Variants in TRIM27 observed in about 807,000 individuals in gnomAD.
TRIM27 encodes tripartite motif containing 27.
Under a neutral mutation model 57.6 loss-of-function variants are expected in TRIM27, and 12 were observed. That is an observed-to-expected ratio of 0.21 (90% CI 0.13 to 0.34). TRIM27 has a LOEUF of 0.34. Among genes scored for constraint, TRIM27 ranks in the 10% least tolerant of loss-of-function variants. TRIM27 has a pLI of 1.00. For synonymous variants in TRIM27, 266 were observed against 259.0 expected (o/e 1.03, Z -0.26); for missense variants, 403 against 656.8 (o/e 0.61, Z 4.22).
chr6:28,909,751 A>C (rs1275755251), intron 4 of TRIM27, among the ~76,000 whole-genome samples: 1 of 152,204 alleles, frequency 6.6e-6, no homozygotes, highest in Admixed American at 6.5e-5. Context: ...GGAAAGAATG[A>C]CATGTTCAGA....
intron 7 of TRIM27, chr6:28,905,454 G>A (rs1346782224): frequency 6.6e-6 from 1 of 151,866 alleles, no homozygotes; most frequent in African/African-American, 2.4e-5. Flanking sequence ...TAATGAAAAA[G>A]GTTTTGGCTT....
intron 4 of TRIM27, among the ~76,000 whole-genome samples, chr6:28,910,241 T>C (rs747001748): frequency 6.6e-6 from 1 of 151,758 alleles, no homozygotes; most frequent in Non-Finnish European, 1.5e-5. Context: ...ACCTTAGGGA[T>C]GGTAGAACAG....
chr6:28,913,005 C>T (rs149321186), intron 3 of TRIM27, among the ~76,000 whole-genome samples: 235 of 152,220 alleles, frequency 1.5e-3, no homozygotes, highest in African/African-American at 5.0e-3. Flanking sequence ...CCTGTAATCC[C>T]AGCACTTTGG....
chr6:28,922,090 T>C, intron 1 of TRIM27, 103 bp from the exon 2 acceptor site: 1 of 874,266 alleles, frequency 1.1e-6, no homozygotes, highest in Admixed American at 1.9e-5. Flanking sequence ...ATGCCAAGTC[T>C]CCAGTTGGCG....
rs569440149 is a variant in TRIM27, at chr6:28,923,498, G to A, written c.135C>T (p.Gly45=). ...GGCACGACACGTTAGTCTCTGCCGTGCCCCAGCAGCGGGCGAGGCACGCGC... is the reference window on the plus strand; with the variant it reads ...GGCACGACACGTTAGTCTCTGCCGTACCCCAGCAGCGGGCGAGGCACGCGC... ...ICCACLARCW[G]TAETNVSCPQ... Residue 45 remains glycine (G), a synonymous_variant, in exon 1 of 8, where the codon GGC becomes GGT. Transcript: ENST00000377199. The A allele has an allele frequency of 1.5e-5, 24 of 1,612,098 alleles. No homozygotes were observed. Among genetic ancestry groups the A allele is most frequent in the African/African-American group, 1.5e-4 (11 of 75,034 alleles).
At chr6:28,920,301 A>G in intron 2 of TRIM27, 59 bp from the exon 3 acceptor site, 1 of 1,435,414 alleles carries the variant, frequency 7.0e-7, no homozygotes, top group Non-Finnish European at 9.5e-7. Flanking sequence ...TAGGGCCTTC[A>G]TAGTTCTCCT....
chr6:28,906,666 G>A (rs1241911102), intron 7 of TRIM27: 2 of 152,384 alleles, frequency 1.3e-5, no homozygotes, highest in African/African-American at 2.4e-5. Context: ...TCATTTAGAG[G>A]ATAATTCATA....
intron 7 of TRIM27, chr6:28,906,968 G>C (rs142901451): frequency 3.9e-4 from 178 of 458,276 alleles, no homozygotes; most frequent in Admixed American, 1.3e-3. Context: ...TTCTACTTTT[G>C]GGGAACTGCG....
intron 2 of TRIM27, among the ~76,000 whole-genome samples, chr6:28,920,817 G>C (rs1374268192): frequency 6.6e-6 from 1 of 152,104 alleles, no homozygotes; most frequent in Non-Finnish European, 1.5e-5. Context: ...ACAGGAAAGT[G>C]ACAGGGTCAG....
At chr6:28,915,896 AT>A (rs1773558072) in intron 3 of TRIM27, among the ~76,000 whole-genome samples, 1 of 152,164 alleles carries the variant, frequency 6.6e-6, no homozygotes, top group African/African-American at 2.4e-5. Context: ...ACATATATAT[AT>A]GTACTGAAAT....
intron 3 of TRIM27, among the ~76,000 whole-genome samples, chr6:28,917,227 T>A (rs1773675644): frequency 6.6e-6 from 1 of 152,210 alleles, no homozygotes; most frequent in East Asian, 1.9e-4. Flanking sequence ...ACCATCTGCT[T>A]ACTCAGTGCC....
intron 4 of TRIM27, chr6:28,911,243 A>G (rs1773184374): frequency 6.5e-6 from 1 of 153,852 alleles, no homozygotes; most frequent in Non-Finnish European, 1.4e-5. Context: ...AGAAATAGCA[A>G]GAGTAAGAAT....
chr6:28,915,912 AT>A (rs1773559806), intron 3 of TRIM27, among the ~76,000 whole-genome samples: 1 of 151,988 alleles, frequency 6.6e-6, no homozygotes, highest in Admixed American at 6.5e-5. Flanking sequence ...TGAAATATAT[AT>A]TTTTTCATAT....
intron 3 of TRIM27, among the ~76,000 whole-genome samples, chr6:28,915,994 A>G (rs1375598709): frequency 1.3e-5 from 2 of 152,014 alleles, no homozygotes; most frequent in Non-Finnish European, 2.9e-5. Context: ...TCGGCTCACT[A>G]CAACCTCTGC....
Position 28,923,366 on chromosome 6 carries a change from G to T in TRIM27, c.267C>A (p.Pro89=). Residue 89 remains proline (P), a synonymous_variant, in exon 1 of 8, where the codon CCC becomes CCA. Transcript: ENST00000377199. ...TCTCGCACACGCCCATCTCGCCGCC[G>T]GGCCCCGACGGCCGCTCGGTGCGCA... ...KQLRTERPSG[P]GGEMGVCEKH... is the part of the protein sequence containing the mutation. 1 of 1,611,912 alleles carries T rather than the reference G, an allele frequency of 6.2e-7. No individual in the cohort carries two copies.
intron 6 of TRIM27, chr6:28,907,577 C>T (rs1772858720): frequency 3.2e-6 from 2 of 622,814 alleles, no homozygotes; most frequent in African/African-American, 1.8e-5. Context: ...CAGAGGGAAA[C>T]GCGGTTCCAA....
chr6:28,921,767 G>A, intron 2 of TRIM27, 125 bp downstream of exon 2: 1 of 776,370 alleles, frequency 1.3e-6, no homozygotes, highest in Non-Finnish European at 2.2e-6. Context: ...ACTGCCATGT[G>A]CGGTTGATCC....
chr6:28,917,250 G>C (rs1773678562), intron 3 of TRIM27, among the ~76,000 whole-genome samples: 1 of 152,036 alleles, frequency 6.6e-6, no homozygotes, highest in Non-Finnish European at 1.5e-5. Flanking sequence ...CGCCAGAGCA[G>C]TCAAGATTTG....
At chr6:28,913,361 G>T (rs1272705424) in intron 3 of TRIM27, among the ~76,000 whole-genome samples, 1 of 150,486 alleles carries the variant, frequency 6.6e-6, no homozygotes, top group Middle Eastern at 3.4e-3. Flanking sequence ...TCACCCTACT[G>T]ACCTATCAAA....
Sources: allele counts gnomAD v4.1 joint callset (sites outside exome capture counted in the v4.1 genomes callset), GRCh38; gene constraint gnomAD v4.1.1; transcripts MANE v1.5; gene names NCBI Gene and HGNC (gene_info 2026-07-23, HGNC 2026-07-21).